SF3A3: variants seen among roughly 807,000 people sequenced by gnomAD.
SF3A3 encodes splicing factor 3a subunit 3.
Under a neutral mutation model 85.8 loss-of-function variants are expected in SF3A3, and 9 were observed. The observed-to-expected ratio is 0.10, with a 90% CI of 0.06 to 0.18. SF3A3 has a LOEUF of 0.18. Among genes scored for constraint, SF3A3 ranks in the 10% least tolerant of loss-of-function variants. The pLI, the probability that SF3A3 is intolerant of heterozygous loss-of-function variation, is 1.00. For synonymous variants in SF3A3, 195 were observed against 204.4 expected (o/e 0.95, Z 0.39); for missense variants, 306 against 593.3 (o/e 0.52, Z 5.03).
chr1:37,986,529 G>A (rs1299096631), intron 4 of SF3A3, among the ~76,000 whole-genome samples: 1 of 151,976 alleles, frequency 6.6e-6, no homozygotes, highest in East Asian at 1.9e-4. Flanking sequence ...GGGCATATGA[G>A]GGCCGGGCGC....
At chr1:37,959,994 T>G (rs1300851859) in intron 16 of SF3A3, 126 bp downstream of exon 16, 13 of 627,718 alleles carry the variant, frequency 2.1e-5, no homozygotes, top group African/African-American at 3.7e-5. Flanking sequence ...AGTCAATTTG[T>G]AGATATTGTC....
chr1:37,958,926 C>A (rs1331369019), intron 16 of SF3A3, among the ~76,000 whole-genome samples: 1 of 152,098 alleles, frequency 6.6e-6, no homozygotes, highest in East Asian at 1.9e-4. Context: ...CCAACAAGGA[C>A]ATCTCCCTGT....
intron 10 of SF3A3, 31 bp from the exon 11 acceptor site, chr1:37,978,858 G>T (rs1646397643): frequency 6.4e-7 from 1 of 1,568,554 alleles, no homozygotes; most frequent in East Asian, 2.3e-5. Flanking sequence ...AGGATTTTAG[G>T]GTTACTTTAC....
chr1:37,965,911 A>G (rs546884759), intron 15 of SF3A3, among the ~76,000 whole-genome samples: 2 of 152,240 alleles, frequency 1.3e-5, no homozygotes, highest in South Asian at 4.1e-4. Flanking sequence ...AAAGAATATA[A>G]AAAGCCGGGA....
At chr1:37,986,564 C>A (rs1646458466) in intron 4 of SF3A3, among the ~76,000 whole-genome samples, 1 of 152,054 alleles carries the variant, frequency 6.6e-6, no homozygotes, top group Non-Finnish European at 1.5e-5. Flanking sequence ...GTAATCCCAG[C>A]ACTTTGGGAG....
At chr1:37,978,049 A>C (rs1646391928) in intron 11 of SF3A3, among the ~76,000 whole-genome samples, 1 of 151,686 alleles carries the variant, frequency 6.6e-6, no homozygotes, top group Non-Finnish European at 1.5e-5. Flanking sequence ...CAAAAAAAAC[A>C]ACCCTGGGTC....
chr1:37,987,879 C>T (rs769224710), intron 2 of SF3A3, 43 bp from the exon 3 acceptor site: 29 of 1,520,544 alleles, frequency 1.9e-5, no homozygotes, highest in Non-Finnish European at 1.8e-6. Context: ...GCAATTTGCA[C>T]AACTGTAGAG....
intron 15 of SF3A3, among the ~76,000 whole-genome samples, chr1:37,965,115 C>T (rs1363164102): frequency 2.6e-5 from 4 of 151,610 alleles, no homozygotes; most frequent in Admixed American, 2.6e-4. Context: ...CCGAGATCAG[C>T]CACTGCATTC....
intron 15 of SF3A3, among the ~76,000 whole-genome samples, chr1:37,964,929 C>G (rs1413452616): frequency 6.6e-6 from 1 of 152,024 alleles, no homozygotes; most frequent in Non-Finnish European, 1.5e-5. Flanking sequence ...GAGGCCAATG[C>G]GGGTGCATCA....
intron 12 of SF3A3, 103 bp downstream of exon 12, chr1:37,976,781 C>T (rs1255345311): frequency 2.6e-6 from 2 of 771,544 alleles, no homozygotes; most frequent in East Asian, 2.5e-5. Context: ...ATCAGCTATC[C>T]ACTCCTCTTT....
At chr1:37,983,769 T>C (rs1219973759) in intron 6 of SF3A3, among the ~76,000 whole-genome samples, 2 of 151,310 alleles carry the variant, frequency 1.3e-5, no homozygotes, top group East Asian at 3.9e-4. Flanking sequence ...ACCCCATCTT[T>C]ACAAAAAAAG....
At chr1:37,965,367 T>C (rs1178406017) in intron 15 of SF3A3, among the ~76,000 whole-genome samples, 2 of 146,166 alleles carry the variant, frequency 1.4e-5, no homozygotes, top group Admixed American at 6.9e-5. Context: ...TTCTTTGTCA[T>C]AAGAAGTCAA....
chr1:37,987,541 G>A (rs1646465283), intron 4 of SF3A3, 32 bp downstream of exon 4: 5 of 1,451,872 alleles, frequency 3.4e-6, no homozygotes, highest in Middle Eastern at 1.8e-4. Flanking sequence ...TTTAAGGATA[G>A]GTCTGGAGAA....
intron 11 of SF3A3, among the ~76,000 whole-genome samples, chr1:37,977,318 T>G (rs1646385550): frequency 6.6e-6 from 1 of 152,192 alleles, no homozygotes; most frequent in Non-Finnish European, 1.5e-5. Context: ...AGTGGACACA[T>G]TCCATAACTT....
Position 37,971,562 on chromosome 1 carries a change from G to T in SF3A3, c.1006-1827C>A, listed in dbSNP as rs372072304. Among the ~76,000 whole-genome samples, 43 of 152,206 alleles carry T rather than the reference G, an allele frequency of 2.8e-4. 2 individuals are homozygous for T. In the East Asian group the frequency reaches 7.9e-3, roughly 28 times the overall value. ...GGCAGAGACCACAACAAAAAAAAGAGAATTTTAGACAATATCCCTGATGAA... is the reference window on the plus strand; with the variant it reads ...GGCAGAGACCACAACAAAAAAAAGATAATTTTAGACAATATCCCTGATGAA... On this transcript the variant is annotated intron_variant, in intron 12 of 16. Transcript: ENST00000373019.
intron 12 of SF3A3, among the ~76,000 whole-genome samples, chr1:37,976,287 T>C (rs4491032): frequency 0.91 from 137,870 of 152,178 alleles, 62,591 homozygotes; most frequent in East Asian, 1. Context: ...TGGAAAGAGA[T>C]TTCTTTTCCT....
intron 4 of SF3A3, among the ~76,000 whole-genome samples, chr1:37,985,419 T>C (rs1178503002): frequency 6.6e-6 from 1 of 151,998 alleles, no homozygotes; most frequent in East Asian, 1.9e-4. Flanking sequence ...GGAGTTTTTT[T>C]TTTAAATCCT....
In SF3A3 at chr1:37,960,128, C is replaced by T. The variant is rs1646247188; in HGVS notation, c.1420G>A (p.Asp474Asn). 6.2e-7 allele frequency: 1 copy of T among 1,613,944 alleles called. No individual in the cohort carries two copies. Among genetic ancestry groups the T allele is most frequent in the African/African-American group, 1.3e-5 (1 of 75,024 alleles). Residue 474 changes from aspartate (D) to asparagine (N), a missense_variant, in exon 16 of 17, where the codon GAC (aspartate) becomes AAC (asparagine). By Grantham distance (23) the Asp-to-Asn change is conservative. Transcript: ENST00000373019. ...LQKASERWQP[D>N]TEEEYEDSSG... Reference sequence around the variant, plus strand: ...TCCACATTAGTACCCACCTCAGTGTCAGGCTGCCATCGTTCTGAAGCCTTC... The same window carrying T: ...TCCACATTAGTACCCACCTCAGTGTTAGGCTGCCATCGTTCTGAAGCCTTC...
chr1:37,981,860 G>T, intron 6 of SF3A3, 49 bp from the exon 7 acceptor site: 1 of 1,062,650 alleles, frequency 9.4e-7, no homozygotes, highest in African/African-American at 1.6e-5. Flanking sequence ...TATTTATACT[G>T]TAACAAGTTA....
Sources: gnomAD v4.1 joint callset for allele counts (sites outside exome capture counted in the v4.1 genomes callset) on GRCh38, gnomAD v4.1.1 for gene constraint, MANE v1.5 for transcripts, NCBI Gene and HGNC (gene_info 2026-07-23, HGNC 2026-07-21) for gene names.